Variants in CWF19L2 observed in about 807,000 individuals in gnomAD.
The protein encoded by CWF19L2 is CWF19 like cell cycle control factor 2, also known as CWF19-like protein 2.
CWF19L2 carries 98 observed loss-of-function variants against 111.7 expected under a neutral mutation model. That is an observed-to-expected ratio of 0.88 (90% confidence interval 0.75 to 1.04). The LOEUF (loss-of-function observed/expected upper bound fraction) is 1.04, where lower values mean the gene tolerates loss of function less well. Ranked by LOEUF, CWF19L2 falls within the 50% of genes least tolerant of loss-of-function variation. The pLI is 0.00. For missense variants in CWF19L2, 1,101 were observed against 1,051.4 expected (o/e 1.05, Z -0.65); for synonymous variants, 351 against 342.9 (o/e 1.02, Z -0.26).
intron 3 of CWF19L2, among the ~76,000 whole-genome samples, chr11:107,453,476 A>T (rs1861807643): frequency 6.6e-6 from 1 of 151,988 alleles, no homozygotes; most frequent in Non-Finnish European, 1.5e-5. Flanking sequence ...CTTGAATACC[A>T]GCTCAGCCAT....
In CWF19L2 at chr11:107,368,989, A is replaced by G. The variant is rs531270739; in HGVS notation, c.1873-15253T>C. Among the ~76,000 whole-genome samples, 377 of 137,368 alleles carry G rather than the reference A, an allele frequency of 2.7e-3. 91 individuals are homozygous for G. Among genetic ancestry groups the G allele is most frequent in the African/African-American group, 9.8e-3 (336 of 34,388 alleles). 90.1% of individuals were successfully genotyped at this position (137,368 alleles called of 152,430 possible). ...TATGATGATCAACTATATGCTCACA[A>G]ACTGGAAAACCTAGAGAAAATGGAT... On this transcript the variant is annotated intron_variant, in intron 12 of 17. Coordinates refer to ENST00000282251, the MANE Select transcript of CWF19L2 (RefSeq NM_152434.3).
chr11:107,380,770 T>C (rs979535505), intron 12 of CWF19L2, among the ~76,000 whole-genome samples: 7 of 152,182 alleles, frequency 4.6e-5, no homozygotes, highest in Non-Finnish European at 7.3e-5. Context: ...TGCACACCAA[T>C]GTTCCTAAGA....
At chr11:107,378,127 G>T (rs1345830498) in intron 12 of CWF19L2, among the ~76,000 whole-genome samples, 15 of 150,306 alleles carry the variant, frequency 1.0e-4, no homozygotes. Flanking sequence ...ACAGGTGCTG[G>T]AGAGGATGTG....
At chr11:107,390,273 G>A in intron 11 of CWF19L2, 62 bp from the exon 12 acceptor site, 1 of 1,273,470 alleles carries the variant, frequency 7.9e-7, no homozygotes, top group Non-Finnish European at 1.1e-6. Flanking sequence ...ATTTCTTGAT[G>A]GATTACATAA....
chr11:107,414,221 T>A (rs1268124436), intron 10 of CWF19L2, among the ~76,000 whole-genome samples: 1 of 152,004 alleles, frequency 6.6e-6, no homozygotes, highest in East Asian at 1.9e-4. Flanking sequence ...AGAGACAGGG[T>A]CTCACTCTGT....
intron 10 of CWF19L2, among the ~76,000 whole-genome samples, chr11:107,398,866 T>C (rs542638832): frequency 5.9e-5 from 9 of 152,304 alleles, no homozygotes; most frequent in Non-Finnish European, 1.0e-4. Context: ...TAGAAGGGAT[T>C]GGGGACCTAT....
At chr11:107,436,194 C>T (rs779190600) in intron 6 of CWF19L2, among the ~76,000 whole-genome samples, 35 of 149,938 alleles carry the variant, frequency 2.3e-4, no homozygotes, top group Admixed American at 6.7e-5. Context: ...CATGAATGTA[C>T]AATAGGAAGT....
At chr11:107,355,372 G>A (rs1159314294) in intron 12 of CWF19L2, among the ~76,000 whole-genome samples, 5 of 150,110 alleles carry the variant, frequency 3.3e-5, no homozygotes, top group East Asian at 2.0e-4. Flanking sequence ...CCAAGATAGC[G>A]CCACTGCACT....
chr11:107,424,574 T>G (rs983906860), intron 8 of CWF19L2, among the ~76,000 whole-genome samples: 4 of 151,784 alleles, frequency 2.6e-5, no homozygotes, highest in Non-Finnish European at 5.9e-5. Context: ...AGTTTAGATA[T>G]TCAATCAAGG....
chr11:107,394,648 A>T (rs1006774793), intron 10 of CWF19L2, among the ~76,000 whole-genome samples: 2 of 152,180 alleles, frequency 1.3e-5, no homozygotes, highest in African/African-American at 4.8e-5. Flanking sequence ...AGTTAAAAGA[A>T]ATCTAACACC....
chr11:107,434,351 C>G (rs2135414512), intron 6 of CWF19L2, among the ~76,000 whole-genome samples: 1 of 152,212 alleles, frequency 6.6e-6, no homozygotes, highest in South Asian at 2.1e-4. Context: ...TGAAAGCCTT[C>G]AACTAATTTA....
intron 12 of CWF19L2, among the ~76,000 whole-genome samples, chr11:107,387,088 T>C (rs927304934): frequency 3.0e-4 from 45 of 151,478 alleles, no homozygotes; most frequent in African/African-American, 1.1e-3. Flanking sequence ...CAAATCTATA[T>C]GGGAGAACCA....
chr11:107,374,037 G>A (rs944694823), intron 12 of CWF19L2, among the ~76,000 whole-genome samples: 1 of 136,888 alleles, frequency 7.3e-6, no homozygotes, highest in East Asian at 2.1e-4. Context: ...AAGATGAACT[G>A]AATGAAATGA....
intron 16 of CWF19L2, among the ~76,000 whole-genome samples, chr11:107,333,609 G>T (rs1859881234): frequency 6.6e-6 from 1 of 152,130 alleles, no homozygotes; most frequent in East Asian, 1.9e-4. Context: ...TAGAGTTTTT[G>T]TTTTGTTTTA....
chr11:107,380,561 AT>A (rs1174465942), intron 12 of CWF19L2, among the ~76,000 whole-genome samples: 7 of 152,156 alleles, frequency 4.6e-5, no homozygotes, highest in Admixed American at 4.6e-4. Context: ...ACAAAACAAA[AT>A]AAAAAAAAAT....
At chr11:107,454,333 A>G in intron 3 of CWF19L2, 117 bp downstream of exon 3, 1 of 777,334 alleles carries the variant, frequency 1.3e-6, no homozygotes, top group Non-Finnish European at 1.8e-6. Flanking sequence ...AGATATTTTC[A>G]TATCATAACT....
chr11:107,340,702 T>C (rs1591150737), intron 14 of CWF19L2, among the ~76,000 whole-genome samples: 1 of 152,224 alleles, frequency 6.6e-6, no homozygotes, highest in East Asian at 1.9e-4. Context: ...AGAATAATTC[T>C]ATCTATACCT....
At chr11:107,338,002 A>G (rs1214860338) in intron 14 of CWF19L2, among the ~76,000 whole-genome samples, 1 of 152,156 alleles carries the variant, frequency 6.6e-6, no homozygotes, top group African/African-American at 2.4e-5. Context: ...TATAGTCAAC[A>G]CTGAGAGCAA....
chr11:107,328,142 A>G (rs1248527517), intron 17 of CWF19L2, among the ~76,000 whole-genome samples: 1 of 75,308 alleles, frequency 1.3e-5, no homozygotes, highest in South Asian at 4.2e-4. Context: ...GAGACTCAAA[A>G]AAAAAAAAAA....
Sources: allele counts gnomAD v4.1 joint callset (sites outside exome capture counted in the v4.1 genomes callset), GRCh38; gene constraint gnomAD v4.1.1; transcripts MANE v1.5; gene names NCBI Gene and HGNC (gene_info 2026-07-23, HGNC 2026-07-21).